Variants in LACTB observed in about 807,000 individuals in gnomAD.
The protein encoded by LACTB is serine beta-lactamase-like protein LACTB, mitochondrial.
A neutral mutation model predicts 50.2 loss-of-function variants in LACTB; 35 were observed. The ratio of observed to expected loss-of-function variants is 0.70; its 90% CI spans 0.53 to 0.92. The LOEUF is 0.92. LACTB is among the 40% of genes least tolerant of loss of function. The pLI, the probability that LACTB is intolerant of heterozygous loss-of-function variation, is 0.00. For missense variants in LACTB, 664 were observed against 691.8 expected (o/e 0.96, Z 0.45); for synonymous variants, 252 against 268.2 (o/e 0.94, Z 0.59).
chr15:63,141,031 C>T, intron 5 of LACTB: 5 of 984,742 alleles, frequency 5.1e-6, no homozygotes, highest in Non-Finnish European at 6.0e-6. Flanking sequence ...TCAGCATGGA[C>T]AAGCCATACC....
chr15:63,127,923 A>G (rs901475807), intron 4 of LACTB, among the ~76,000 whole-genome samples: 3 of 152,258 alleles, frequency 2.0e-5, no homozygotes, highest in Admixed American at 6.5e-5. Context: ...CTCAGTATCA[A>G]GATGTTCATG....
At chr15:63,122,553 CG>C (rs1312914453) in intron 1 of LACTB, 82 bp from the exon 2 acceptor site, 5 of 1,092,018 alleles carry the variant, frequency 4.6e-6, no homozygotes, top group Admixed American at 1.7e-5. Context: ...GCTCAGGGGG[CG>C]GGGCCTTGGA....
intron 2 of LACTB, 101 bp downstream of exon 2, chr15:63,122,803 A>G: frequency 1.3e-6 from 1 of 778,286 alleles, no homozygotes; most frequent in Non-Finnish European, 2.2e-6. Context: ...GCATTTACAT[A>G]AAACGATGCA....
intron 5 of LACTB, among the ~76,000 whole-genome samples, chr15:63,139,624 G>C (rs2037209634): frequency 6.6e-6 from 1 of 152,024 alleles, no homozygotes; most frequent in Non-Finnish European, 1.5e-5. Context: ...TTGCACTCCA[G>C]CCTAGGCGAT....
intron 2 of LACTB, chr15:63,126,091 C>T (rs1227663085): frequency 1.3e-5 from 2 of 152,098 alleles, no homozygotes; most frequent in African/African-American, 4.8e-5. Flanking sequence ...TAATTTTCCT[C>T]CTGGTTTGCA....
At chr15:63,127,785 G>A (rs1430463261) in intron 4 of LACTB, 96 bp downstream of exon 4, 18 of 855,656 alleles carry the variant, frequency 2.1e-5, no homozygotes, top group Non-Finnish European at 2.7e-5. Flanking sequence ...CATTCATTGA[G>A]GTTGATGATT....
rs750094530 is a variant in LACTB at position 63,121,908 on chromosome 15, G to A, written c.37G>A (p.Ala13Thr). ...CATGTCAGCAGTGACTGCCCGGGCT[G>A]CCGCCCCCGGGGGCTTGGCCTCAAG... ...RLMSAVTARA[A>T]APGGLASSCG... is the part of the protein sequence containing the mutation. Residue 13 changes from alanine (A) to threonine (T), a missense_variant, in exon 1 of 6, where the codon GCC becomes ACC. Physicochemically the swap from Ala to Thr is moderately conservative, Grantham distance 58. Transcript: ENST00000261893. The A allele has an allele frequency of 1.4e-6, 2 of 1,418,942 alleles. No individual in the cohort carries two copies. The highest frequency in any genetic ancestry group is 1.5e-5 in the African/African-American group (1 of 67,722). The allele number at this position is 1,418,942 out of a possible 1,614,324, so 87.9% of individuals were successfully genotyped here.
intron 2 of LACTB, 24 bp from the exon 3 acceptor site, chr15:63,126,835 A>T (rs1363954202): frequency 2.8e-6 from 4 of 1,453,014 alleles, no homozygotes; most frequent in Non-Finnish European, 3.7e-6. Flanking sequence ...GTTAATAGTG[A>T]CTTTTTGCTT....
Position 63,121,915 on chromosome 15 carries a change from C to G in LACTB, c.44C>G (p.Pro15Arg). ...GCAGTGACTGCCCGGGCTGCCGCCCCCGGGGGCTTGGCCTCAAGCTGCGGA... is the reference window on the plus strand; with the variant it reads ...GCAGTGACTGCCCGGGCTGCCGCCCGCGGGGGCTTGGCCTCAAGCTGCGGA... ...MSAVTARAAA[P>R]GGLASSCGRR... The change falls in exon 1 of 6, where the codon CCC (proline) becomes CGC (arginine). Residue 15 changes from proline (P) to arginine (R), a missense_variant. Physicochemically the swap from Pro to Arg is moderately radical, Grantham distance 103. Transcript: ENST00000261893. The G allele has an allele frequency of 7.0e-7, 1 of 1,422,876 alleles. No individual in the cohort carries two copies. Among genetic ancestry groups the G allele is most frequent in the Non-Finnish European group, 9.2e-7 (1 of 1,092,502 alleles). 88.1% of individuals were successfully genotyped at this position (1,422,876 alleles called of 1,614,324 possible).
intron 5 of LACTB, chr15:63,130,899 T>C (rs2037123741): frequency 6.6e-6 from 1 of 152,254 alleles, no homozygotes. Context: ...TTAGCATCTA[T>C]CAGTGATTCA....
chr15:63,141,733 C>T lies in LACTB; in HGVS notation c.1572C>T (p.Asn524=), dbSNP rs776616631. 4 of 1,614,148 alleles carry T rather than the reference C, an allele frequency of 2.5e-6. No individual in the cohort carries two copies. The South Asian group carries it at 3.3e-5, about 13-fold the overall frequency. The change falls in exon 6 of 6, where the codon AAC becomes AAT. Residue 524 remains asparagine (N), a synonymous_variant. Coordinates refer to ENST00000261893, the MANE Select transcript of LACTB (RefSeq NM_032857.5). ...GAATCATTGTTTCTATCATATGTAACATGCAATCTGTTGGCCTCAATAGCA... is the reference window on the plus strand; with the variant it reads ...GAATCATTGTTTCTATCATATGTAATATGCAATCTGTTGGCCTCAATAGCA... ...PRGIIVSIIC[N]MQSVGLNSTA... is the part of the protein sequence containing the mutation.
Position 63,141,912 on chromosome 15 carries a change from T to A in LACTB, c.*107T>A. 2 of 863,868 alleles carry A rather than the reference T, an allele frequency of 2.3e-6. No homozygotes were observed. The highest frequency in any genetic ancestry group is 3.5e-6 in the Non-Finnish European group (2 of 576,654). The allele number at this position is 863,868 out of a possible 1,614,324, so 53.5% of individuals were successfully genotyped here. A position where few individuals can be genotyped will look rare whatever the true frequency, so the allele number is the denominator to read the frequency against. On this transcript the variant is annotated 3_prime_UTR_variant, in exon 6 of 6. Coordinates refer to ENST00000261893, the MANE Select transcript of LACTB (RefSeq NM_032857.5). ...GAATAAATTTGAAATAGAGTATAAC[T>A]GAATGCAGAGAATTATGTACCTCTA...
intron 4 of LACTB, among the ~76,000 whole-genome samples, chr15:63,128,039 A>G (rs2037077450): frequency 6.6e-6 from 1 of 152,212 alleles, no homozygotes; most frequent in Admixed American, 6.5e-5. Flanking sequence ...TAGAATTTAA[A>G]TTGCTCAACT....
chr15:63,126,457 T>G (rs2037055066), intron 2 of LACTB, among the ~76,000 whole-genome samples: 1 of 152,228 alleles, frequency 6.6e-6, no homozygotes, highest in East Asian at 1.9e-4. Flanking sequence ...TTACTTTTAT[T>G]GAGTGGCTAT....
chr15:63,124,143 T>A (rs915671493), intron 2 of LACTB, among the ~76,000 whole-genome samples: 1 of 152,238 alleles, frequency 6.6e-6, no homozygotes, highest in Non-Finnish European at 1.5e-5. Context: ...CTGGTGGCCC[T>A]GTCTGGGCGT....
At chr15:63,125,425 C>A (rs891698094) in intron 2 of LACTB, among the ~76,000 whole-genome samples, 3 of 152,034 alleles carry the variant, frequency 2.0e-5, no homozygotes, top group Non-Finnish European at 2.9e-5. Flanking sequence ...GCCTCGGCAT[C>A]CCAAAGTGCT....
Position 63,139,194 on chromosome 15 carries a change from C to CAAA in LACTB, c.1119-2066_1119-2064dup, listed in dbSNP as rs57605763. Among the ~76,000 whole-genome samples the CAAA allele has an allele frequency of 1.7e-3, 30 of 17,178 alleles. 1 individual carries two copies. The highest frequency in any genetic ancestry group is 3.3e-3 in the African/African-American group (25 of 7,676). The allele number at this position is 17,178 out of a possible 152,430, so 11.3% of individuals were successfully genotyped here. A position where few individuals can be genotyped will look rare whatever the true frequency, so the allele number is the denominator to read the frequency against. On this transcript the variant is annotated intron_variant, in intron 5 of 5. Transcript: ENST00000261893. ...TGAAGCCCCGTCTCTACTAAAAATC[C>CAAA]AAAAAAAAAAAAAAAAAAAAAATTA...
chr15:63,132,470 CTCT>C (rs376628107), intron 5 of LACTB, among the ~76,000 whole-genome samples: 2 of 152,130 alleles, frequency 1.3e-5, no homozygotes, highest in Non-Finnish European at 2.9e-5. Flanking sequence ...CATTAAAATG[CTCT>C]TCTTATTTGG....
chr15:63,123,639 G>C (rs1443303681), intron 2 of LACTB, among the ~76,000 whole-genome samples: 3 of 152,310 alleles, frequency 2.0e-5, no homozygotes, highest in Admixed American at 6.5e-5. Context: ...AGGGTAAAGA[G>C]TGTGGGTCAT....
Sources: allele counts gnomAD v4.1 joint callset (sites outside exome capture counted in the v4.1 genomes callset), GRCh38; gene constraint gnomAD v4.1.1; transcripts MANE v1.5; gene names NCBI Gene and HGNC (gene_info 2026-07-23, HGNC 2026-07-21).